COL19A1: variants seen among roughly 807,000 people sequenced by gnomAD.
COL19A1 encodes the protein collagen type XIX alpha 1 chain.
Under a neutral mutation model 190.2 loss-of-function variants are expected in COL19A1, and 159 were observed. That is an observed-to-expected ratio of 0.84 (90% CI 0.73 to 0.95). The LOEUF (loss-of-function observed/expected upper bound fraction) is 0.95. COL19A1 is among the 40% of genes least tolerant of loss of function. The pLI, the probability that COL19A1 is intolerant of heterozygous loss-of-function variation, is 0.00. For synonymous variants in COL19A1, 509 were observed against 458.9 expected (o/e 1.11, Z -1.39); for missense variants, 1,418 against 1,431.9 (o/e 0.99, Z 0.16).
intron 18 of COL19A1, among the ~76,000 whole-genome samples, chr6:70,136,567 G>A (rs942231498): frequency 1.3e-5 from 2 of 152,086 alleles, no homozygotes; most frequent in Non-Finnish European, 2.9e-5. Flanking sequence ...TATGGAATTT[G>A]TTTCAAATAT....
At position 70,035,939 on chromosome 6, in the gene COL19A1, T is replaced by C. The variant is rs148417796; in HGVS notation, c.1170T>C (p.Pro390=). 6.2e-7 allele frequency: 1 copy of C among 1,613,208 alleles called. No homozygotes were observed. Residue 390 remains proline, a splice_region_variant and synonymous_variant, in exon 14 of 51, where the codon CCT becomes CCC. Transcript: ENST00000620364. Reference sequence around the variant, plus strand: ...GACCCCCAGGACCACCAGCCTTACCTGTAAGTATTCTTGAAATCAAAATTC... The same window carrying C: ...GACCCCCAGGACCACCAGCCTTACCCGTAAGTATTCTTGAAATCAAAATTC... ...DTGPPGPPAL[P]GSLGIQGPQG...
chr6:69,946,315 C>T (rs1269557015), intron 9 of COL19A1, among the ~76,000 whole-genome samples: 1 of 151,824 alleles, frequency 6.6e-6, no homozygotes, highest in Admixed American at 6.6e-5. Context: ...AAATTATGAA[C>T]ATATTTTGGT....
At chr6:69,960,125 T>TTCAGAATACA in intron 10 of COL19A1, 85 bp downstream of exon 10, 1 of 1,320,944 alleles carries the variant, frequency 7.6e-7, no homozygotes, top group Non-Finnish European at 1.1e-6. Flanking sequence ...GAAATTGTAT[T>TTCAGAATACA]TGATTAAGCT....
rs774854480 is a variant in COL19A1, at chr6:70,149,813, C to A, written c.1930-38C>A. ...TTGGGGGAAATGACTGAAAGACCAT[C>A]CTCATAAGTAACTGTTTTTATTTCC... On this transcript the variant is annotated intron_variant, in intron 28 of 50. Transcript: ENST00000620364. 10 of 1,613,526 alleles carry A rather than the reference C, an allele frequency of 6.2e-6. No homozygotes were observed. The Admixed American group carries it at 1.7e-4, about 27-fold the overall frequency.
intron 14 of COL19A1, among the ~76,000 whole-genome samples, chr6:70,049,915 C>A (rs989558861): frequency 1.3e-5 from 2 of 151,872 alleles, no homozygotes; most frequent in Admixed American, 1.3e-4. Context: ...TGTGGTAATG[C>A]CTTATATTGA....
chr6:70,056,503 A>G (rs933631758), intron 14 of COL19A1, among the ~76,000 whole-genome samples: 1 of 152,122 alleles, frequency 6.6e-6, no homozygotes, highest in Admixed American at 6.6e-5. Flanking sequence ...GTAGAACTAC[A>G]CTTACCTCTC....
rs146560893 is a variant in COL19A1 at position 69,941,838 on chromosome 6, G to A, written c.936+3738G>A. Among the ~76,000 whole-genome samples the A allele has an allele frequency of 9.7e-3, 1,474 of 151,942 alleles. 10 individuals are homozygous for A. The highest frequency in any genetic ancestry group is 0.012 in the Non-Finnish European group (829 of 67,946). On this transcript the variant is annotated intron_variant, in intron 9 of 50. Coordinates refer to ENST00000620364, the MANE Select transcript of COL19A1 (RefSeq NM_001858.6). Reference sequence around the variant, plus strand: ...TGAGTAGTTGAGATTACAGGCACCCGCCATCATGCCTGGCTAATTTTTGTA... The same window carrying A: ...TGAGTAGTTGAGATTACAGGCACCCACCATCATGCCTGGCTAATTTTTGTA...
chr6:69,984,183 A>G (rs1341857642), intron 11 of COL19A1, among the ~76,000 whole-genome samples: 1 of 152,120 alleles, frequency 6.6e-6, no homozygotes, highest in Non-Finnish European at 1.5e-5. Flanking sequence ...TCCAGTGGTT[A>G]TAAGGAGAAC....
chr6:70,041,725 AC>A (rs1178104090), intron 14 of COL19A1, among the ~76,000 whole-genome samples: 1 of 152,116 alleles, frequency 6.6e-6, no homozygotes, highest in Non-Finnish European at 1.5e-5. Context: ...TATAAAAAAA[AC>A]AGAAATGTTC....
chr6:70,081,284 T>G lies in COL19A1; in HGVS notation c.1224+12808T>G, dbSNP rs527620254. On this transcript the variant is annotated intron_variant, in intron 15 of 50. Transcript: ENST00000620364. Reference sequence around the variant, plus strand: ...CTCTACCTCCATACTACTTTCTATCTTATTTTCCATTTAAATCTAATTACC... The same window carrying G: ...CTCTACCTCCATACTACTTTCTATCGTATTTTCCATTTAAATCTAATTACC... 2.0e-5 allele frequency among the ~76,000 whole-genome samples: 3 copies of G among 152,308 alleles called. No individual in the cohort carries two copies. In the South Asian group the frequency reaches 6.2e-4, roughly 32 times the overall value.
At chr6:69,934,930 C>T (rs530838278) in intron 7 of COL19A1, among the ~76,000 whole-genome samples, 9 of 151,876 alleles carry the variant, frequency 5.9e-5, no homozygotes, top group Non-Finnish European at 1.0e-4. Flanking sequence ...GTTTTGAACT[C>T]AGAAATTTTT....
At chr6:70,081,286 A>AT (rs1782234630) in intron 15 of COL19A1, among the ~76,000 whole-genome samples, 1 of 152,098 alleles carries the variant, frequency 6.6e-6, no homozygotes, top group Non-Finnish European at 1.5e-5. Flanking sequence ...TTTCTATCTT[A>AT]TTTTCCATTT....
Position 70,181,384 on chromosome 6 carries a change from T to A in COL19A1, c.2775+861T>A, listed in dbSNP as rs547369276. 3.3e-5 allele frequency among the ~76,000 whole-genome samples: 5 copies of A among 152,208 alleles called. No individual in the cohort carries two copies. In the East Asian group the frequency reaches 9.7e-4, roughly 29 times the overall value. ...GGTTGAAAGGATTTTATGAGTCACTTAAGTGCCATGACATATGGAAAGCAT... is the reference window on the plus strand; with the variant it reads ...GGTTGAAAGGATTTTATGAGTCACTAAAGTGCCATGACATATGGAAAGCAT... On this transcript the variant is annotated intron_variant, in intron 44 of 50. Transcript: ENST00000620364.
At chr6:69,871,182 A>G (rs981422269) in intron 1 of COL19A1, among the ~76,000 whole-genome samples, 2 of 152,038 alleles carry the variant, frequency 1.3e-5, no homozygotes, top group Non-Finnish European at 2.9e-5. Context: ...TGAATTTTTT[A>G]CTCTATAGGC....
chr6:69,895,999 T>G (rs1360580213), intron 2 of COL19A1, among the ~76,000 whole-genome samples: 1 of 152,230 alleles, frequency 6.6e-6, no homozygotes, highest in African/African-American at 2.4e-5. Context: ...CATTGAATTT[T>G]CAAGTCATAC....
chr6:70,198,168 A>G (rs1767327096), intron 48 of COL19A1, among the ~76,000 whole-genome samples: 1 of 152,184 alleles, frequency 6.6e-6, no homozygotes, highest in South Asian at 2.1e-4. Context: ...TACAAGACCT[A>G]TATCATTTGG....
chr6:69,868,965 A>G (rs1174613561), intron 1 of COL19A1, among the ~76,000 whole-genome samples: 1 of 152,198 alleles, frequency 6.6e-6, no homozygotes, highest in African/African-American at 2.4e-5. Flanking sequence ...CAATTGAAGT[A>G]TGAAAAATAA....
Position 69,920,407 on chromosome 6 carries a change from A to C in COL19A1, c.267-7502A>C, listed in dbSNP as rs564671037. Among the ~76,000 whole-genome samples the C allele has an allele frequency of 2.6e-5, 4 of 152,296 alleles. No individual in the cohort carries two copies. In the South Asian group the frequency reaches 8.3e-4, roughly 32 times the overall value. On this transcript the variant is annotated intron_variant, in intron 4 of 50. Transcript: ENST00000620364. The stretch of plus-strand genomic sequence containing the variant: ...AGAGAGCAGATGCAAGCTACATTTT[A>C]TATTTCTGCAACATTGAAGTGAATT...
At chr6:70,101,919 G>A (rs538443170) in intron 15 of COL19A1, among the ~76,000 whole-genome samples, 8 of 152,136 alleles carry the variant, frequency 5.3e-5, no homozygotes, top group Non-Finnish European at 8.8e-5. Context: ...AAAGAACCAA[G>A]GTAGATAGCA....
Sources: allele counts gnomAD v4.1 joint callset (sites outside exome capture counted in the v4.1 genomes callset), GRCh38; gene constraint gnomAD v4.1.1; transcripts MANE v1.5; gene names NCBI Gene and HGNC (gene_info 2026-07-23, HGNC 2026-07-21).